Variants in HELQ observed in about 807,000 individuals in gnomAD.
HELQ encodes helicase, POLQ like.
In HELQ, 77 loss-of-function variants were observed where a neutral mutation model predicts 111.6. That is an observed-to-expected ratio of 0.69 (90% CI 0.57 to 0.83). The LOEUF (loss-of-function observed/expected upper bound fraction) is 0.83, where lower values mean the gene tolerates loss of function less well. HELQ is among the 40% of genes least tolerant of loss of function. The probability of loss-of-function intolerance (pLI) is 0.00; values close to 1 mark genes in which losing one functional copy is unlikely to be tolerated. For synonymous variants in HELQ, 438 were observed against 454.7 expected (o/e 0.96, Z 0.47); for missense variants, 1,200 against 1,288.5 (o/e 0.93, Z 1.05).
upstream of HELQ, chr4:83,455,869 T>A (rs906835947): frequency 9.1e-6 from 7 of 773,306 alleles, no homozygotes; most frequent in Admixed American, 1.8e-4. Flanking sequence ...CCCTGTCCAA[T>A]CATAAGCCTC....
At chr4:83,413,008 A>C (rs565216332) in intron 17 of HELQ, among the ~76,000 whole-genome samples, 15 of 152,320 alleles carry the variant, frequency 9.8e-5, no homozygotes, top group Non-Finnish European at 2.1e-4. Context: ...ATGATTGTCA[A>C]TCATGCCAAC....
intron 14 of HELQ, among the ~76,000 whole-genome samples, chr4:83,423,741 T>C (rs1024410684): frequency 6.6e-6 from 1 of 152,046 alleles, no homozygotes; most frequent in Non-Finnish European, 1.5e-5. Context: ...TGAAACTCCA[T>C]CTCTACTAAA....
chr4:83,424,960 T>C (rs1382229416), intron 14 of HELQ, among the ~76,000 whole-genome samples: 1 of 152,038 alleles, frequency 6.6e-6, no homozygotes, highest in Non-Finnish European at 1.5e-5. Context: ...CTGTACTGTC[T>C]ATGTAAATTT....
At chr4:83,422,037 G>A (rs933303423) in intron 14 of HELQ, among the ~76,000 whole-genome samples, 2 of 151,824 alleles carry the variant, frequency 1.3e-5, no homozygotes, top group South Asian at 2.1e-4. Flanking sequence ...CCTGGACAAC[G>A]TGGCAAAACT....
At position 83,437,245 on chromosome 4, in the gene HELQ, A is replaced by C. The variant is rs73833517; in HGVS notation, c.1809-148T>G. The C allele has an allele frequency of 4.2e-4, 326 of 769,626 alleles. 2 individuals carry two copies. In the African/African-American group the frequency reaches 5.3e-3, roughly 13 times the overall value. 47.7% of individuals were successfully genotyped at this position (769,626 alleles called of 1,614,324 possible). A position where few individuals can be genotyped will look rare whatever the true frequency, so the allele number is the denominator to read the frequency against. On this transcript the variant is annotated intron_variant, in intron 8 of 17. Coordinates refer to ENST00000295488, the MANE Select transcript of HELQ (RefSeq NM_133636.5). ...TACATTAAATGTTCTTAGAATTTTG[A>C]TTCTGACTTCATTAACTATTAGGCA...
At chr4:83,437,147 A>T in intron 8 of HELQ, 50 bp from the exon 9 acceptor site, 1 of 1,557,414 alleles carries the variant, frequency 6.4e-7, no homozygotes, top group Non-Finnish European at 8.7e-7. Flanking sequence ...TTTAGTGACA[A>T]AATTTCTACC....
At chr4:83,435,925 G>A (rs950874) in intron 9 of HELQ, among the ~76,000 whole-genome samples, 1 of 150,738 alleles carries the variant, frequency 6.6e-6, no homozygotes. Flanking sequence ...AAAACTTAAT[G>A]AGAGACAGAA....
At chr4:83,440,263 TAAAG>T (rs1317239900) in intron 7 of HELQ, among the ~76,000 whole-genome samples, 1 of 152,104 alleles carries the variant, frequency 6.6e-6, no homozygotes, top group Admixed American at 6.6e-5. Flanking sequence ...ACAAGTGAAT[TAAAG>T]AAAATTAAAG....
chr4:83,409,619 C>A lies in HELQ; in HGVS notation c.3199-2059G>T, dbSNP rs187817459. Among the ~76,000 whole-genome samples the A allele has an allele frequency of 4.6e-4, 70 of 151,542 alleles. 1 individual carries two copies. Among genetic ancestry groups the A allele is most frequent in the African/African-American group, 1.7e-3 (70 of 41,432 alleles). On this transcript the variant is annotated intron_variant, in intron 17 of 17. Transcript: ENST00000295488. ...TCTTCATCTCATAAAAATTTCCCTTCCTGAAAGCAAACCATGAAGCAGAAA... is the reference window on the plus strand; with the variant it reads ...TCTTCATCTCATAAAAATTTCCCTTACTGAAAGCAAACCATGAAGCAGAAA...
intron 2 of HELQ, among the ~76,000 whole-genome samples, chr4:83,450,057 C>T (rs185696066): frequency 3.2e-4 from 49 of 151,354 alleles, no homozygotes; most frequent in African/African-American, 1.1e-3. Flanking sequence ...ATCTATAGAA[C>T]GGAAGCCAAA....
intron 9 of HELQ, among the ~76,000 whole-genome samples, chr4:83,434,256 A>C (rs928587382): frequency 2.0e-5 from 3 of 151,818 alleles, no homozygotes; most frequent in African/African-American, 7.3e-5. Flanking sequence ...CTGTAATCCC[A>C]GCTACTTGGG....
chr4:83,442,171 A>T (rs963438902), intron 6 of HELQ, among the ~76,000 whole-genome samples: 5 of 152,012 alleles, frequency 3.3e-5, no homozygotes, highest in African/African-American at 9.7e-5. Context: ...ATTGCATTTT[A>T]TAATAACAAT....
At chr4:83,415,797 C>T (rs1465611457) in intron 17 of HELQ, among the ~76,000 whole-genome samples, 2 of 151,832 alleles carry the variant, frequency 1.3e-5, no homozygotes, top group Non-Finnish European at 2.9e-5. Flanking sequence ...CAGGTGTGGG[C>T]CACCACGCCT....
At chr4:83,431,612 AC>A (rs1720154562) in intron 11 of HELQ, 51 bp downstream of exon 11, 2 of 799,394 alleles carry the variant, frequency 2.5e-6, no homozygotes, top group Non-Finnish European at 3.9e-6. Context: ...TAACTTTTTA[AC>A]CTCTATTGTC....
intron 14 of HELQ, among the ~76,000 whole-genome samples, chr4:83,422,312 C>A (rs1022725338): frequency 1.3e-5 from 2 of 152,148 alleles, no homozygotes; most frequent in African/African-American, 2.4e-5. Context: ...AGGAATTGTA[C>A]CCCCTCTCCA....
intron 17 of HELQ, among the ~76,000 whole-genome samples, chr4:83,408,117 T>A (rs1738884006): frequency 6.6e-6 from 1 of 152,056 alleles, no homozygotes; most frequent in Non-Finnish European, 1.5e-5. Flanking sequence ...GCTATATAGA[T>A]CAATAAGAAT....
chr4:83,439,762 A>G, intron 8 of HELQ, 101 bp downstream of exon 8: 1 of 763,118 alleles, frequency 1.3e-6, no homozygotes, highest in South Asian at 1.9e-5. Context: ...ACTTAATATG[A>G]TGTTTTGCAA....
chr4:83,441,219 A>G, intron 7 of HELQ, 86 bp downstream of exon 7: 1 of 727,560 alleles, frequency 1.4e-6, no homozygotes, highest in South Asian at 1.7e-5. Flanking sequence ...AAAAATCTAG[A>G]CTATTCTACG....
chr4:83,424,851 G>C (rs1719759494), intron 14 of HELQ, among the ~76,000 whole-genome samples: 1 of 152,018 alleles, frequency 6.6e-6, no homozygotes. Flanking sequence ...CACTGTGCCG[G>C]GCCCAATATT....
Sources: allele counts gnomAD v4.1 joint callset (sites outside exome capture counted in the v4.1 genomes callset), GRCh38; gene constraint gnomAD v4.1.1; transcripts MANE v1.5; gene names NCBI Gene and HGNC (gene_info 2026-07-23, HGNC 2026-07-21).